Variants in ZFHX2 observed in about 807,000 individuals in gnomAD.
The protein encoded by ZFHX2 is zinc finger homeobox protein 2.
Under a neutral mutation model 164.8 loss-of-function variants are expected in ZFHX2, and 75 were observed. That is an observed-to-expected ratio of 0.46 (90% CI 0.38 to 0.55). The LOEUF is 0.55. Ranked by LOEUF, ZFHX2 falls within the 20% of genes least tolerant of loss-of-function variation. The pLI, the probability that ZFHX2 is intolerant of heterozygous loss-of-function variation, is 0.00. For missense variants in ZFHX2, 2,933 were observed against 3,308.0 expected (o/e 0.89, Z 2.78); for synonymous variants, 1,217 against 1,351.4 (o/e 0.90, Z 2.18).
rs778689353 is a variant in ZFHX2 at position 23,521,927 on chromosome 14, G to C, written c.*35C>G. ...CCCTTGGGGTAAAAGAGGGAGCCCT[G>C]AGGCCCTCCCCTCTCCCCATCTTGG... On this transcript the variant is annotated 3_prime_UTR_variant, in exon 10 of 10. Coordinates refer to ENST00000419474, the MANE Select transcript of ZFHX2 (RefSeq NM_033400.3). 13 of 1,534,982 alleles carry C rather than the reference G, an allele frequency of 8.5e-6. No homozygotes were observed. In the South Asian group the frequency reaches 1.6e-4, roughly 18 times the overall value.
rs1016686237 is a variant in ZFHX2 at position 23,526,777 on chromosome 14, C to G, written c.3262+70G>C. 5 of 1,527,740 alleles carry G rather than the reference C, an allele frequency of 3.3e-6. No individual in the cohort carries two copies. In the Admixed American group the frequency reaches 1.0e-4, roughly 31 times the overall value. The allele number at this position is 1,527,740 out of a possible 1,614,324, so 94.6% of individuals were successfully genotyped here. A position where few individuals can be genotyped will look rare whatever the true frequency, so the allele number is the denominator to read the frequency against. On this transcript the variant is annotated intron_variant, in intron 8 of 9. Transcript: ENST00000419474. ...GGCAGTTGACCTTGGCCTCAGTCAT[C>G]TTCAGACCTTGTTGGCCCATGGAGT...
At position 23,524,944 on chromosome 14, in the gene ZFHX2, A is replaced by G. The variant is rs1416683524; in HGVS notation, c.4998T>C (p.Thr1666=). The G allele has an allele frequency of 2.0e-6, 3 of 1,536,106 alleles. No individual in the cohort carries two copies. The highest frequency in any genetic ancestry group is 2.0e-5 in the Admixed American group (1 of 50,980). Residue 1666 remains threonine, a synonymous_variant, in exon 9 of 10, where the codon ACT becomes ACC. Coordinates refer to ENST00000419474, the MANE Select transcript of ZFHX2 (RefSeq NM_033400.3). The surrounding 1 kb of genome is among the most constrained non-coding windows in gnomAD (Gnocchi z 5.6). ...EGGSMPTGGG[T]GGASGCRRCH... ...AACGCCTGCAGCCGGAGGCTCCCCC[A>G]GTGCCTCCTCCGGTTGGCATGGACC...
At chr14:23,554,838 G>A (rs1380666735), upstream of ZFHX2, among the ~76,000 whole-genome samples, 2 of 152,148 alleles carry the variant, frequency 1.3e-5, no homozygotes, top group Non-Finnish European at 2.9e-5. Context: ...AAGAGCCACG[G>A]TTCCTCAGGG....
In ZFHX2 at chr14:23,522,248, C is replaced by T. The variant is rs1240660952; in HGVS notation, c.7433G>A (p.Arg2478Gln). 40 of 1,479,816 alleles carry T rather than the reference C, an allele frequency of 2.7e-5. No homozygotes were observed. Among genetic ancestry groups the T allele is most frequent in the African/African-American group, 5.6e-5 (4 of 71,668 alleles). The allele number at this position is 1,479,816 out of a possible 1,614,324, so 91.7% of individuals were successfully genotyped here. The change falls in exon 10 of 10, where the codon CGG becomes CAG. Residue 2478 changes from arginine to glutamine, a missense_variant. Arg to Gln is a conservative substitution (Grantham distance 43). Transcript: ENST00000419474. ...AHQRSFCFFGRGSGGSMPPPL... is the reference protein window; with the variant it reads ...AHQRSFCFFGQGSGGSMPPPL... The stretch of plus-strand genomic sequence containing the variant: ...GGGTGGCATGGAGCCCCCAGAGCCC[C>T]GCCCAAAGAAGCAGAAGGATCTCTG...
chr14:23,549,368 A>C (rs933317133), intron 1 of ZFHX2, among the ~76,000 whole-genome samples: 2 of 152,038 alleles, frequency 1.3e-5, no homozygotes, highest in Non-Finnish European at 2.9e-5. Flanking sequence ...TCTTCTGCCC[A>C]TGTCTGCCTG....
In ZFHX2 at chr14:23,525,854, AGCT is replaced by A. The variant is rs1595140024; in HGVS notation, c.4085_4087del (p.Gln1362del). 3 of 1,455,242 alleles carry A rather than the reference AGCT, an allele frequency of 2.1e-6. No individual in the cohort carries two copies. Among genetic ancestry groups the A allele is most frequent in the South Asian group, 1.4e-5 (1 of 69,748 alleles). 90.1% of individuals were successfully genotyped at this position (1,455,242 alleles called of 1,614,324 possible). ...ATCGTGGAGGTAGAAGGGCAGGAGC[AGCT>A]GCTGCTGCTGGAGCTTAAGCAGTGA... On this transcript the variant is annotated inframe_deletion, in exon 9 of 10. Transcript: ENST00000419474. This position sits in a 1 kb window ranked among gnomAD's most constrained non-coding sequence, Gnocchi z 5.9.
At chr14:23,544,777 C>T (rs1337549874) in intron 1 of ZFHX2, among the ~76,000 whole-genome samples, 1 of 152,212 alleles carries the variant, frequency 6.6e-6, no homozygotes, top group African/African-American at 2.4e-5. Context: ...TGAGGCCCCG[C>T]CCACTGGCCC....
intron 6 of ZFHX2, chr14:23,528,614 G>A: frequency 4.1e-6 from 4 of 985,380 alleles, no homozygotes; most frequent in Non-Finnish European, 4.8e-6. Context: ...ACCATCACCT[G>A]GAAAGGGGCC....
At chr14:23,539,561 A>G (rs748660927) in intron 1 of ZFHX2, among the ~76,000 whole-genome samples, 2 of 152,162 alleles carry the variant, frequency 1.3e-5, no homozygotes, top group African/African-American at 2.4e-5. Context: ...ACAAGAGACA[A>G]AGGGCATGGG....
At chr14:23,528,761 C>G in intron 6 of ZFHX2, 8 of 985,450 alleles carry the variant, frequency 8.1e-6, no homozygotes, top group Non-Finnish European at 9.6e-6. Flanking sequence ...CAGGAAAATT[C>G]TGGCCCAGCC....
chr14:23,531,413 C>G (rs531565347), intron 4 of ZFHX2, 68 bp downstream of exon 4: 11 of 1,336,092 alleles, frequency 8.2e-6, no homozygotes, highest in African/African-American at 6.0e-5. Flanking sequence ...AACTCCGCAG[C>G]CCCCCTGCTC....
At position 23,533,393 on chromosome 14, in the gene ZFHX2, T is replaced by A; in HGVS notation, c.1933A>T (p.Thr645Ser). Residue 645 changes from threonine to serine, a missense_variant, in exon 2 of 10, where the codon ACT (threonine) becomes TCT (serine). Coordinates refer to ENST00000419474, the MANE Select transcript of ZFHX2 (RefSeq NM_033400.3). This position sits in a 1 kb window ranked among gnomAD's most constrained non-coding sequence, Gnocchi z 4.8. Reference sequence around the variant, plus strand: ...CTCAGCCCCGGGCCAGCCAAGGGAGTCTGAGGCTGCCCTAGGGCCTGGGGC... The same window carrying A: ...CTCAGCCCCGGGCCAGCCAAGGGAGACTGAGGCTGCCCTAGGGCCTGGGGC... Reference protein sequence around the residue: ...FGPQALGQPQTPLAGPGLRPD... With the variant: ...FGPQALGQPQSPLAGPGLRPD... 4 of 1,478,286 alleles carry A rather than the reference T, an allele frequency of 2.7e-6. No homozygotes were observed. In the South Asian group the frequency reaches 4.0e-5, roughly 15 times the overall value. 91.6% of individuals were successfully genotyped at this position (1,478,286 alleles called of 1,614,324 possible).
chr14:23,552,334 C>T (rs187776655), upstream of ZFHX2, among the ~76,000 whole-genome samples: 26 of 150,664 alleles, frequency 1.7e-4, no homozygotes, highest in Admixed American at 1.7e-3. Flanking sequence ...CACTCAGTCG[C>T]CCAGGTTGGA....
Position 23,535,186 on chromosome 14 carries a change from G to A in ZFHX2, c.140C>T (p.Thr47Ile). The change falls in exon 2 of 10, where the codon ACC (threonine) becomes ATC (isoleucine). Residue 47 changes from threonine to isoleucine, a missense_variant. Thr to Ile is a moderately conservative substitution (Grantham distance 89). Coordinates refer to ENST00000419474, the MANE Select transcript of ZFHX2 (RefSeq NM_033400.3). The surrounding 1 kb of genome is among the most constrained non-coding windows in gnomAD (Gnocchi z 4.5). ...VTKDPPAASS[T>I]SENMRSSEPG... ...CTCTGAGGACCTCATGTTCTCAGAG[G>A]TGGAGGAGGCAGCAGGGGGATCTTT... is the stretch of plus-strand genomic sequence containing the variant. 6.5e-7 allele frequency: 1 copy of A among 1,531,924 alleles called. No individual in the cohort carries two copies. The highest frequency in any genetic ancestry group is 8.7e-7 in the Non-Finnish European group (1 of 1,143,276). 94.9% of individuals were successfully genotyped at this position (1,531,924 alleles called of 1,614,324 possible).
At chr14:23,545,706 G>C (rs1312802581) in intron 1 of ZFHX2, among the ~76,000 whole-genome samples, 2 of 152,198 alleles carry the variant, frequency 1.3e-5, no homozygotes, top group Non-Finnish European at 2.9e-5. Flanking sequence ...GGCCCAAGCA[G>C]ACCACTGATA....
Position 23,529,748 on chromosome 14 carries a change from TG to T in ZFHX2, c.2895del (p.Asn965LysfsTer24). 2 of 1,536,268 alleles carry T rather than the reference TG, an allele frequency of 1.3e-6. No individual in the cohort carries two copies. The highest frequency in any genetic ancestry group is 1.7e-6 in the Non-Finnish European group (2 of 1,146,918). ...TEQLASEETE[N>X]KTGPSRDSAN... The stretch of plus-strand genomic sequence containing the variant: ...GCACTGTCTCTGGAAGGGCCAGTCT[TG>T]TTTTCTGTCTCTTCTGAAGCTGAGG... On this transcript the variant is annotated frameshift_variant, in exon 6 of 10. Transcript: ENST00000419474. LOFTEE classifies it high-confidence loss of function.
chr14:23,525,134 G>A lies in ZFHX2; in HGVS notation c.4808C>T (p.Thr1603Ile), dbSNP rs1878540296. Residue 1603 changes from threonine (T) to isoleucine (I), a missense_variant, in exon 9 of 10, where the codon ACA (threonine) becomes ATA (isoleucine). By Grantham distance (89) the Thr-to-Ile change is moderately conservative (BLOSUM62 -1). Transcript: ENST00000419474. This position sits in a 1 kb window ranked among gnomAD's most constrained non-coding sequence, Gnocchi z 5.9. ...CTGCAGGGCTTGGGTCTGGAACTCT[G>A]TGAACTTGGTTCTGGAGAACCGGCG... is the stretch of plus-strand genomic sequence containing the variant. ...AGRRFSRTKF[T>I]EFQTQALQSF... is the part of the protein sequence containing the mutation. 1.3e-6 allele frequency: 2 copies of A among 1,536,062 alleles called. No individual in the cohort carries two copies. The highest frequency in any genetic ancestry group is 1.7e-6 in the Non-Finnish European group (2 of 1,146,928).
upstream of ZFHX2, among the ~76,000 whole-genome samples, chr14:23,552,601 T>C: frequency 6.7e-6 from 1 of 150,266 alleles, no homozygotes; most frequent in Non-Finnish European, 1.5e-5. Flanking sequence ...GCCCGTTTTT[T>C]TGTTTGTTTG....
At position 23,527,776 on chromosome 14, in the gene ZFHX2, A is replaced by G. The variant is rs1459158118; in HGVS notation, c.2963T>C (p.Leu988Pro). The G allele has an allele frequency of 2.0e-6, 3 of 1,536,144 alleles. No individual in the cohort carries two copies. The South Asian group carries it at 3.6e-5, about 18-fold the overall frequency. Residue 988 changes from leucine to proline, a missense_variant, in exon 7 of 10, where the codon CTG becomes CCG. Physicochemically the swap from Leu to Pro is moderately conservative, Grantham distance 98 (BLOSUM62 -3). Transcript: ENST00000419474. ...CCTCACCTGGCTGGACTCTGGGCTC[A>G]GGAAGCTGCAGTATGGACAGCAGTA... ...TVYCCPYCSFLSPESSQVRAH... is the reference protein window; with the variant it reads ...TVYCCPYCSFPSPESSQVRAH...
Sources: gnomAD v4.1 joint callset for allele counts (sites outside exome capture counted in the v4.1 genomes callset) on GRCh38, gnomAD v4.1.1 for gene constraint, Gnocchi (gnomAD v3.1) non-coding constraint, MANE v1.5 for transcripts, NCBI Gene and HGNC (gene_info 2026-07-23, HGNC 2026-07-21) for gene names.